BTBD9: variants seen among roughly 807,000 people sequenced by gnomAD.
The protein encoded by BTBD9 is BTB domain containing 9, also known as BTB/POZ domain-containing protein 9.
In BTBD9, 49 loss-of-function variants were observed where a neutral mutation model predicts 64.3. That is an observed-to-expected ratio of 0.76 (90% CI 0.61 to 0.97). The LOEUF (loss-of-function observed/expected upper bound fraction) is 0.97, where lower values mean the gene tolerates loss of function less well. Ranked by LOEUF, BTBD9 falls within the 50% of genes least tolerant of loss-of-function variation. The pLI, the probability that BTBD9 is intolerant of heterozygous loss-of-function variation, is 0.00. For missense variants in BTBD9, 598 were observed against 762.1 expected, an observed-to-expected ratio of 0.78 and a Z score of 2.53; for synonymous variants, 260 against 274.7, an observed-to-expected ratio of 0.95 and a Z score of 0.53.
intron 6 of BTBD9, among the ~76,000 whole-genome samples, chr6:38,533,137 A>C (rs2748165): frequency 0.68 from 102,970 of 151,726 alleles, 35,904 homozygotes; most frequent in African/African-American, 0.85. Flanking sequence ...AATAAAAAAA[A>C]CAAGACCCAA....
chr6:38,489,679 A>G (rs1030448085), intron 6 of BTBD9, among the ~76,000 whole-genome samples: 1 of 152,220 alleles, frequency 6.6e-6, no homozygotes, highest in African/African-American at 2.4e-5. Context: ...GCATTATTCA[A>G]AATATTTTTC....
At chr6:38,326,785 C>T (rs970270911) in intron 7 of BTBD9, among the ~76,000 whole-genome samples, 5 of 149,906 alleles carry the variant, frequency 3.3e-5, no homozygotes, top group Admixed American at 1.3e-4. Flanking sequence ...GCTGGTGTTG[C>T]GGGTAGGGGT....
At chr6:38,202,539 T>C (rs1405575052) in intron 9 of BTBD9, among the ~76,000 whole-genome samples, 2 of 152,168 alleles carry the variant, frequency 1.3e-5, no homozygotes, top group African/African-American at 4.8e-5. Flanking sequence ...AAGGCTATAG[T>C]AATCAAAACA....
intron 6 of BTBD9, among the ~76,000 whole-genome samples, chr6:38,474,645 T>C (rs763054690): frequency 6.6e-5 from 10 of 152,234 alleles, no homozygotes; most frequent in Non-Finnish European, 1.3e-4. Flanking sequence ...GCACAGCTCC[T>C]GGTTCATACA....
Position 38,318,958 on chromosome 6 carries a change from G to A in BTBD9, c.1264+26026C>T, listed in dbSNP as rs191190977. On this transcript the variant is annotated intron_variant, in intron 7 of 10. Coordinates refer to ENST00000481247, the MANE Select transcript of BTBD9 (RefSeq NM_001099272.2). ...TCTACCTGGTGCTCTATTCCACTGC[G>A]ACTACGCTGGCAGTGAAACCACAGA... is the stretch of plus-strand genomic sequence containing the variant. Among the ~76,000 whole-genome samples the A allele has an allele frequency of 6.6e-5, 10 of 152,314 alleles. No homozygotes were observed. In the East Asian group the frequency reaches 1.7e-3, roughly 26 times the overall value.
At chr6:38,530,603 G>C (rs1432654272) in intron 6 of BTBD9, among the ~76,000 whole-genome samples, 1 of 97,244 alleles carries the variant, frequency 1.0e-5, no homozygotes, top group Non-Finnish European at 2.9e-5. Context: ...AATATTGGGG[G>C]TGGGTTCCCC....
chr6:38,332,976 T>G (rs916875747), intron 7 of BTBD9, among the ~76,000 whole-genome samples: 1 of 151,864 alleles, frequency 6.6e-6, no homozygotes, highest in Non-Finnish European at 1.5e-5. Context: ...ACAGAATTTG[T>G]GACTGCACAT....
intron 4 of BTBD9, among the ~76,000 whole-genome samples, chr6:38,590,755 CAT>C (rs1293934886): frequency 1.3e-5 from 2 of 152,204 alleles, no homozygotes; most frequent in African/African-American, 4.8e-5. Context: ...GTGTAGACAT[CAT>C]AGTGTGTCAC....
intron 6 of BTBD9, among the ~76,000 whole-genome samples, chr6:38,403,874 A>G (rs1323965103): frequency 6.6e-6 from 1 of 152,252 alleles, no homozygotes; most frequent in Non-Finnish European, 1.5e-5. Context: ...CTGTATATTC[A>G]TACAATGGAA....
At chr6:38,325,574 A>G (rs1562026310) in intron 7 of BTBD9, among the ~76,000 whole-genome samples, 1 of 152,110 alleles carries the variant, frequency 6.6e-6, no homozygotes, top group Non-Finnish European at 1.5e-5. Context: ...AGTCTCAGCT[A>G]CTCGGGAGGC....
chr6:38,493,611 C>T (rs762099018), intron 6 of BTBD9, among the ~76,000 whole-genome samples: 5 of 152,072 alleles, frequency 3.3e-5, no homozygotes, highest in African/African-American at 9.7e-5. Context: ...CCTGTCATTG[C>T]GAAGACAGGT....
intron 6 of BTBD9, among the ~76,000 whole-genome samples, chr6:38,447,377 C>T (rs554214720): frequency 3.9e-5 from 6 of 152,224 alleles, no homozygotes; most frequent in South Asian, 4.1e-4. Flanking sequence ...TAACAAGCAA[C>T]GAACAAAAGA....
At chr6:38,373,164 A>G (rs1765494490) in intron 6 of BTBD9, among the ~76,000 whole-genome samples, 1 of 152,170 alleles carries the variant, frequency 6.6e-6, no homozygotes, top group Admixed American at 6.5e-5. Flanking sequence ...TGCTCTTTCC[A>G]GTGATTCCCT....
chr6:38,554,843 T>C (rs1774948603), intron 6 of BTBD9, among the ~76,000 whole-genome samples: 1 of 152,254 alleles, frequency 6.6e-6, no homozygotes, highest in South Asian at 2.1e-4. Context: ...ACTCCACTCT[T>C]GCTGTTGCAG....
At chr6:38,344,907 ATAAGT>A (rs1764222827) in intron 7 of BTBD9, 72 bp downstream of exon 7, 8 of 957,956 alleles carry the variant, frequency 8.4e-6, no homozygotes, top group South Asian at 1.8e-5. Flanking sequence ...ACTGATTAAG[ATAAGT>A]TAAGAGAGTA....
Position 38,169,334 on chromosome 6 carries a change from A to G in BTBD9, c.*5651T>C, listed in dbSNP as rs914307319. The G allele has an allele frequency of 6.6e-6, 1 of 152,410 alleles. No individual in the cohort carries two copies. Among genetic ancestry groups the G allele is most frequent in the African/African-American group, 2.4e-5 (1 of 41,454 alleles). 9.4% of individuals were successfully genotyped at this position (152,410 alleles called of 1,614,324 possible). On this transcript the variant is annotated 3_prime_UTR_variant, in exon 11 of 11. Transcript: ENST00000481247. ...CAGCCATCAGGGGCTGTGGTGCAGG[A>G]GCAGCCACCAGGGCAGCACCAGGAG...
At chr6:38,591,800 TCAC>T (rs1475912113) in intron 4 of BTBD9, among the ~76,000 whole-genome samples, 2 of 152,088 alleles carry the variant, frequency 1.3e-5, no homozygotes, top group African/African-American at 4.8e-5. Context: ...ATAAGAAAAA[TCAC>T]CACTTAAGTG....
At chr6:38,252,587 A>T (rs1302479048) in intron 9 of BTBD9, among the ~76,000 whole-genome samples, 1 of 152,220 alleles carries the variant, frequency 6.6e-6, no homozygotes, top group Non-Finnish European at 1.5e-5. Context: ...AAACAATGCT[A>T]TCGCATCTAA....
intron 6 of BTBD9, among the ~76,000 whole-genome samples, chr6:38,527,339 T>C (rs13205679): frequency 0.18 from 27,409 of 149,198 alleles, 2,575 homozygotes; most frequent in East Asian, 0.27. Flanking sequence ...TATGACTTGG[T>C]TCTGTGTCCT....
Sources: allele counts gnomAD v4.1 joint callset (sites outside exome capture counted in the v4.1 genomes callset), GRCh38; gene constraint gnomAD v4.1.1; transcripts MANE v1.5; gene names NCBI Gene and HGNC (gene_info 2026-07-23, HGNC 2026-07-21).